Variants in BCAS1 observed in about 807,000 individuals in gnomAD.
BCAS1 encodes breast carcinoma-amplified sequence 1.
BCAS1 carries 46 observed loss-of-function variants against 65.4 expected under a neutral mutation model. The observed-to-expected ratio is 0.70, with a 90% CI of 0.55 to 0.90. The LOEUF is 0.90. BCAS1 is among the 40% of genes least tolerant of loss of function. The pLI is 0.00. For synonymous variants in BCAS1, 298 were observed against 293.5 expected, an observed-to-expected ratio of 1.02 and a Z score of -0.16; for missense variants, 793 against 771.2, an observed-to-expected ratio of 1.03 and a Z score of -0.33.
chr20:54,065,582 G>T (rs1475248649), intron 1 of BCAS1, among the ~76,000 whole-genome samples: 1 of 152,208 alleles, frequency 6.6e-6, no homozygotes, highest in African/African-American at 2.4e-5. Flanking sequence ...GCTGAGGGTC[G>T]CTAGTGCTGA....
chr20:54,053,680 C>G lies in BCAS1; in HGVS notation c.142+4405G>C, dbSNP rs1026351876. On this transcript the variant is annotated intron_variant, in intron 3 of 12. Coordinates refer to ENST00000688948, the MANE Select transcript of BCAS1 (RefSeq NM_001366298.2). Reference sequence around the variant, plus strand: ...GTTCTGAGAGTTTTAGGAGTATCAACTTATTTAAACCGTACAATAACTTAG... The same window carrying G: ...GTTCTGAGAGTTTTAGGAGTATCAAGTTATTTAAACCGTACAATAACTTAG... 5.3e-5 allele frequency among the ~76,000 whole-genome samples: 8 copies of G among 152,348 alleles called. 1 individual carries two copies. The highest frequency in any genetic ancestry group is 6.5e-5 in the Admixed American group (1 of 15,312).
chr20:53,963,586 T>C (rs2049341658), intron 10 of BCAS1, among the ~76,000 whole-genome samples: 1 of 152,192 alleles, frequency 6.6e-6, no homozygotes, highest in African/African-American at 2.4e-5. Context: ...CTCTCTTCCA[T>C]TAAATCAATT....
intron 12 of BCAS1, among the ~76,000 whole-genome samples, chr20:53,950,357 AC>A (rs990759463): frequency 3.3e-4 from 50 of 151,992 alleles, no homozygotes; most frequent in African/African-American, 1.2e-3. Context: ...CCTGTCTGGC[AC>A]CTTTAACCTT....
intron 4 of BCAS1, among the ~76,000 whole-genome samples, chr20:54,023,833 G>A (rs1657318464): frequency 6.6e-6 from 1 of 152,172 alleles, no homozygotes; most frequent in Non-Finnish European, 1.5e-5. Flanking sequence ...CCCAAGTTAG[G>A]ACTTGTGCCT....
intron 4 of BCAS1, among the ~76,000 whole-genome samples, chr20:54,001,363 C>A (rs1479179197): frequency 6.6e-6 from 1 of 152,118 alleles, no homozygotes; most frequent in African/African-American, 2.4e-5. Context: ...CCAAACAAGC[C>A]CCCTTTATTC....
intron 9 of BCAS1, among the ~76,000 whole-genome samples, chr20:53,973,870 C>A (rs540099110): frequency 6.6e-6 from 1 of 152,280 alleles, no homozygotes; most frequent in East Asian, 1.9e-4. Context: ...GAGGTGAAGC[C>A]AGCTGGATGT....
intron 4 of BCAS1, 93 bp downstream of exon 4, chr20:54,028,299 G>C: frequency 7.4e-7 from 1 of 1,352,102 alleles, no homozygotes; most frequent in Non-Finnish European, 1.1e-6. Context: ...CCTTGCCTAG[G>C]CCCAGGGTGA....
At chr20:54,050,236 G>A (rs2092187188) in intron 3 of BCAS1, among the ~76,000 whole-genome samples, 1 of 152,100 alleles carries the variant, frequency 6.6e-6, no homozygotes, top group Non-Finnish European at 1.5e-5. Flanking sequence ...ATCACACTGG[G>A]TCCACCTGGA....
chr20:54,032,517 G>T (rs889596963), intron 3 of BCAS1, among the ~76,000 whole-genome samples: 1 of 151,290 alleles, frequency 6.6e-6, no homozygotes. Flanking sequence ...CCCATTAAAA[G>T]ACATAAAGTG....
intron 3 of BCAS1, among the ~76,000 whole-genome samples, chr20:54,056,773 A>G (rs917521350): frequency 9.9e-5 from 15 of 152,212 alleles, no homozygotes; most frequent in African/African-American, 3.6e-4. Flanking sequence ...TACCTCCTTC[A>G]TTACTCAGGA....
chr20:54,060,585 GT>G (rs2092364936), intron 1 of BCAS1, among the ~76,000 whole-genome samples: 1 of 147,982 alleles, frequency 6.8e-6, no homozygotes, highest in Non-Finnish European at 1.5e-5. Context: ...GCCTCCCAAA[GT>G]GTTGGGATTA....
intron 9 of BCAS1, among the ~76,000 whole-genome samples, chr20:53,967,398 G>T (rs2090063447): frequency 1.3e-5 from 2 of 152,144 alleles, no homozygotes; most frequent in Non-Finnish European, 1.5e-5. Flanking sequence ...TCTTTAATCT[G>T]CCACGTAGGT....
chr20:54,000,007 G>A (rs11697334), intron 4 of BCAS1, among the ~76,000 whole-genome samples: 49,821 of 152,142 alleles, frequency 0.33, 9,631 homozygotes, highest in South Asian at 0.43. Context: ...TAGGATTACA[G>A]GCATGAGCCA....
At chr20:54,010,525 A>G (rs534332731) in intron 4 of BCAS1, among the ~76,000 whole-genome samples, 22 of 152,320 alleles carry the variant, frequency 1.4e-4, no homozygotes, top group African/African-American at 5.0e-4. Context: ...TAAGGTTTAC[A>G]TCTCACAAAA....
chr20:54,026,890 A>G (rs1397821475), intron 4 of BCAS1, among the ~76,000 whole-genome samples: 1 of 152,186 alleles, frequency 6.6e-6, no homozygotes, highest in East Asian at 1.9e-4. Flanking sequence ...GGCATCTTGC[A>G]TTGCAATTGC....
chr20:53,961,891 CAG>C (rs1055838622), intron 10 of BCAS1, among the ~76,000 whole-genome samples: 16 of 152,306 alleles, frequency 1.1e-4, no homozygotes, highest in African/African-American at 3.8e-4. Context: ...CATCATGGGG[CAG>C]AGAGAGCACT....
intron 3 of BCAS1, 101 bp downstream of exon 3, chr20:54,057,984 G>A (rs1758012145): frequency 1.1e-6 from 1 of 922,384 alleles, no homozygotes; most frequent in African/African-American, 1.7e-5. Flanking sequence ...TGAGCCTGCG[G>A]CTTCGACCCT....
At chr20:54,063,580 G>A (rs952141845) in intron 1 of BCAS1, among the ~76,000 whole-genome samples, 10 of 152,178 alleles carry the variant, frequency 6.6e-5, no homozygotes, top group African/African-American at 4.8e-5. Flanking sequence ...CTCATGATCA[G>A]ACACCTATAG....
chr20:53,999,446 T>C (rs1055806325), intron 4 of BCAS1, among the ~76,000 whole-genome samples: 1 of 152,194 alleles, frequency 6.6e-6, no homozygotes. Context: ...AGCGTAAGCA[T>C]TAATTTGTTT....
Sources: gnomAD v4.1 joint callset for allele counts (sites outside exome capture counted in the v4.1 genomes callset) on GRCh38, gnomAD v4.1.1 for gene constraint, MANE v1.5 for transcripts, NCBI Gene and HGNC (gene_info 2026-07-23, HGNC 2026-07-21) for gene names.